The following TLE4 variants were observed in gnomAD, a reference collection of about 807,000 sequenced individuals.
TLE4 encodes transducin-like enhancer protein 4.
TLE4 carries 8 observed loss-of-function variants against 92.8 expected under a neutral mutation model. The observed-to-expected ratio is 0.09, with a 90% CI of 0.05 to 0.16. The LOEUF (loss-of-function observed/expected upper bound fraction) is 0.16. TLE4 is among the 10% of genes least tolerant of loss of function. The probability of loss-of-function intolerance (pLI) is 1.00; values close to 1 mark genes in which losing one functional copy is unlikely to be tolerated. For missense variants in TLE4, 675 were observed against 997.6 expected, an observed-to-expected ratio of 0.68 and a Z score of 4.36; for synonymous variants, 371 against 374.1, an observed-to-expected ratio of 0.99 and a Z score of 0.10.
intron 6 of TLE4, among the ~76,000 whole-genome samples, chr9:79,648,442 T>G (rs1369822757): frequency 6.6e-6 from 1 of 152,126 alleles, no homozygotes; most frequent in East Asian, 1.9e-4. Flanking sequence ...GACACTTAGA[T>G]TGCTTGGAGA....
chr9:79,691,109 C>G (rs574471233), intron 8 of TLE4, among the ~76,000 whole-genome samples: 2 of 152,270 alleles, frequency 1.3e-5, no homozygotes, highest in East Asian at 1.9e-4. Flanking sequence ...CCTCTTCCCC[C>G]TTCCCCAGTA....
chr9:79,645,773 G>A (rs1356951962), intron 6 of TLE4, among the ~76,000 whole-genome samples: 1 of 152,098 alleles, frequency 6.6e-6, no homozygotes, highest in African/African-American at 2.4e-5. Flanking sequence ...TAAGTTTAAA[G>A]TTCACTCCAT....
rs776261450 is a variant in TLE4 at position 79,627,395 on chromosome 9, G to A, written c.337G>A (p.Ala113Thr). 1 of 1,614,162 alleles carries A rather than the reference G, an allele frequency of 6.2e-7. No homozygotes were observed. Among genetic ancestry groups the A allele is most frequent in the South Asian group, 1.1e-5 (1 of 91,084 alleles). ...ATAGCACCAGCAACAAGTGGTGCAG[G>A]CTGTGGAACGGGCCAAGCAGGTGAC... Reference protein sequence around the residue: ...SQEHQQQVVQAVERAKQVTMA... With the variant: ...SQEHQQQVVQTVERAKQVTMA... Residue 113 changes from alanine to threonine, a missense_variant, in exon 6 of 20, where the codon GCT (alanine) becomes ACT (threonine). Physicochemically the swap from Ala to Thr is moderately conservative, Grantham distance 58. Coordinates refer to ENST00000376552, the MANE Select transcript of TLE4 (RefSeq NM_007005.6).
intron 14 of TLE4, among the ~76,000 whole-genome samples, chr9:79,716,871 CTT>C (rs2074598057): frequency 6.6e-6 from 1 of 152,194 alleles, no homozygotes; most frequent in African/African-American, 2.4e-5. Context: ...GTGTGCATTT[CTT>C]TCTTATTCCA....
intron 8 of TLE4, among the ~76,000 whole-genome samples, chr9:79,666,377 G>T (rs914291935): frequency 6.6e-6 from 1 of 151,936 alleles, no homozygotes; most frequent in Non-Finnish European, 1.5e-5. Flanking sequence ...ATAGGCACGT[G>T]CCACCACACA....
intron 6 of TLE4, among the ~76,000 whole-genome samples, chr9:79,652,169 C>T (rs1047922426): frequency 6.6e-6 from 1 of 151,880 alleles, no homozygotes; most frequent in South Asian, 2.1e-4. Flanking sequence ...GTAAATCTTA[C>T]GTAGGTGTTG....
intron 4 of TLE4, among the ~76,000 whole-genome samples, chr9:79,583,354 C>G (rs959963867): frequency 9.9e-5 from 15 of 152,176 alleles, no homozygotes; most frequent in Non-Finnish European, 2.2e-4. Flanking sequence ...GTACTCTGTC[C>G]TCTGGTGAGT....
At chr9:79,686,812 T>C (rs1036842001) in intron 8 of TLE4, among the ~76,000 whole-genome samples, 25 of 152,226 alleles carry the variant, frequency 1.6e-4, no homozygotes, top group African/African-American at 4.1e-4. Context: ...TGGTGGTTTG[T>C]TGTGGCAGCC....
At position 79,648,776 on chromosome 9, in the gene TLE4, G is replaced by C. The variant is rs1017726147; in HGVS notation, c.391-3817G>C. Among the ~76,000 whole-genome samples the C allele has an allele frequency of 2.0e-5, 3 of 152,186 alleles. No individual in the cohort carries two copies. In the East Asian group the frequency reaches 5.8e-4, roughly 29 times the overall value. ...TGTTGATGACCAGTAACTTGAGCCA[G>C]TAGAGGTTGGGTTTTGTGTCACACA... On this transcript the variant is annotated intron_variant, in intron 6 of 19. Coordinates refer to ENST00000376552, the MANE Select transcript of TLE4 (RefSeq NM_007005.6).
rs551534152 is a variant in TLE4 at position 79,626,076 on chromosome 9, C to T, written c.316-1298C>T. On this transcript the variant is annotated intron_variant, in intron 5 of 19. Transcript: ENST00000376552. ...CCATTAGTCATAGACACAAAATACACATTTCTATTAGGAAACCAAGAGTGA... is the reference window on the plus strand; with the variant it reads ...CCATTAGTCATAGACACAAAATACATATTTCTATTAGGAAACCAAGAGTGA... 1.1e-3 allele frequency among the ~76,000 whole-genome samples: 173 copies of T among 152,150 alleles called. 4 individuals carry two copies. The highest frequency in any genetic ancestry group is 3.5e-3 in the South Asian group (17 of 4,822).
chr9:79,718,648 A>G lies in TLE4; in HGVS notation c.1341-74A>G, dbSNP rs193079532. On this transcript the variant is annotated intron_variant, in intron 14 of 19. Transcript: ENST00000376552. ...TGGCACTGAAGGTGTTTTATTTCTC[A>G]TCTCATTACACTGAACAGTTAAGTG... 7.0e-5 allele frequency: 105 copies of G among 1,498,298 alleles called. No individual in the cohort carries two copies. In the African/African-American group the frequency reaches 1.4e-3, roughly 20 times the overall value. The allele number at this position is 1,498,298 out of a possible 1,614,324, so 92.8% of individuals were successfully genotyped here.
intron 8 of TLE4, among the ~76,000 whole-genome samples, chr9:79,684,325 C>G (rs951434980): frequency 6.6e-6 from 1 of 152,200 alleles, no homozygotes; most frequent in Non-Finnish European, 1.5e-5. Flanking sequence ...TAGACCGGTA[C>G]TGACCTGTGT....
Position 79,572,725 on chromosome 9 carries a change from C to G in TLE4, c.-66C>G. The G allele has an allele frequency of 6.4e-7, 1 of 1,556,914 alleles. No homozygotes were observed. The highest frequency in any genetic ancestry group is 8.7e-7 in the Non-Finnish European group (1 of 1,145,726). On this transcript the variant is annotated 5_prime_UTR_variant, in exon 1 of 20. Transcript: ENST00000376552. ...GCCTCCGCTGCCGCGGCCGCCTCCT[C>G]TTCGGGGTCATTAAAGCCAATGAGC...
At chr9:79,598,157 G>A (rs2044556703) in intron 4 of TLE4, among the ~76,000 whole-genome samples, 1 of 149,408 alleles carries the variant, frequency 6.7e-6, no homozygotes, top group Non-Finnish European at 1.5e-5. Context: ...GCTGAGGCAA[G>A]AGAATTGCTT....
chr9:79,714,809 G>A (rs1280846742), intron 14 of TLE4, among the ~76,000 whole-genome samples: 3 of 152,220 alleles, frequency 2.0e-5, no homozygotes, highest in African/African-American at 7.2e-5. Flanking sequence ...TTAACACATT[G>A]TGCATTAAAT....
intron 14 of TLE4, among the ~76,000 whole-genome samples, chr9:79,710,103 T>C (rs1386578674): frequency 1.3e-5 from 2 of 152,212 alleles, no homozygotes; most frequent in Non-Finnish European, 2.9e-5. Context: ...CTTAGTTCTG[T>C]TTTCAGAAAA....
chr9:79,620,549 G>A (rs1256985130), intron 5 of TLE4, among the ~76,000 whole-genome samples: 1 of 152,208 alleles, frequency 6.6e-6, no homozygotes, highest in African/African-American at 2.4e-5. Context: ...TGTTTGGGAA[G>A]CCAGGTATAC....
At chr9:79,681,862 G>GTGTGTGTGTGTGTGTT in intron 8 of TLE4, among the ~76,000 whole-genome samples, 1 of 140,574 alleles carries the variant, frequency 7.1e-6, no homozygotes, top group South Asian at 2.2e-4. Flanking sequence ...GTGTGTGTGT[G>GTGTGTGTGTGTGTGTT]TATGTGTGTG....
At chr9:79,652,934 T>C (rs1323693917) in intron 7 of TLE4, 140 bp downstream of exon 7, 2 of 947,068 alleles carry the variant, frequency 2.1e-6, no homozygotes, top group Non-Finnish European at 3.4e-6. Context: ...GTAAATTAAT[T>C]ACTGCAAGTA....
Sources: allele counts gnomAD v4.1 joint callset (sites outside exome capture counted in the v4.1 genomes callset), GRCh38; gene constraint gnomAD v4.1.1; transcripts MANE v1.5; gene names NCBI Gene and HGNC (gene_info 2026-07-23, HGNC 2026-07-21).